CNTN4: variants seen among roughly 807,000 people sequenced by gnomAD.
CNTN4 encodes contactin-4.
CNTN4 carries 77 observed loss-of-function variants against 122.5 expected under a neutral mutation model. The ratio of observed to expected loss-of-function variants is 0.63; its 90% CI spans 0.52 to 0.76. CNTN4 has a LOEUF of 0.76. Among genes scored for constraint, CNTN4 ranks in the 30% least tolerant of loss-of-function variants. The pLI is 0.00. For missense variants in CNTN4, 1,256 were observed against 1,259.1 expected, an observed-to-expected ratio of 1.00 and a Z score of 0.04; for synonymous variants, 512 against 447.0, an observed-to-expected ratio of 1.15 and a Z score of -1.83.
At chr3:2,354,944 A>G (rs1314175291) in intron 3 of CNTN4, among the ~76,000 whole-genome samples, 1 of 152,222 alleles carries the variant, frequency 6.6e-6, no homozygotes, top group Non-Finnish European at 1.5e-5. Context: ...TGTCTTGGGG[A>G]TACATTGTGT....
At chr3:2,710,076 A>G (rs993724130) in intron 4 of CNTN4, among the ~76,000 whole-genome samples, 24 of 152,214 alleles carry the variant, frequency 1.6e-4, no homozygotes, top group African/African-American at 5.8e-4. Context: ...ACTAGGTATA[A>G]TATTAGTTCG....
rs184510869 is a variant in CNTN4 at position 2,777,043 on chromosome 3, C to T, written c.358+31346C>T. ...TTGCCCAGGCTGGAGCGCAGTGGCTCAATCTTGGTTCACTGCAACCTCTGC... is the reference window on the plus strand; with the variant it reads ...TTGCCCAGGCTGGAGCGCAGTGGCTTAATCTTGGTTCACTGCAACCTCTGC... On this transcript the variant is annotated intron_variant, in intron 6 of 24. Coordinates refer to ENST00000418658, the MANE Select transcript of CNTN4 (RefSeq NM_175607.3). Among the ~76,000 whole-genome samples the T allele has an allele frequency of 2.0e-3, 308 of 152,098 alleles. 1 individual carries two copies. Among genetic ancestry groups the T allele is most frequent in the African/African-American group, 7.1e-3 (296 of 41,488 alleles).
At chr3:2,951,957 C>A (rs1454796495) in intron 13 of CNTN4, among the ~76,000 whole-genome samples, 1 of 152,200 alleles carries the variant, frequency 6.6e-6, no homozygotes. Flanking sequence ...ACAGACTGAA[C>A]ATCAGCTACA....
intron 13 of CNTN4, among the ~76,000 whole-genome samples, chr3:2,960,200 C>T (rs964292710): frequency 2.0e-5 from 3 of 152,072 alleles, no homozygotes; most frequent in Non-Finnish European, 4.4e-5. Flanking sequence ...AGATAATTCC[C>T]TGGAAAACTT....
chr3:2,253,397 TAA>T (rs1297208522), intron 2 of CNTN4, among the ~76,000 whole-genome samples: 2 of 151,820 alleles, frequency 1.3e-5, no homozygotes, highest in African/African-American at 2.4e-5. Context: ...AGACCAGAAT[TAA>T]AAAGTTGTAA....
At chr3:2,527,999 G>A (rs2077463906) in intron 3 of CNTN4, among the ~76,000 whole-genome samples, 1 of 151,962 alleles carries the variant, frequency 6.6e-6, no homozygotes, top group Admixed American at 6.6e-5. Context: ...CTTTCATTTG[G>A]TCATAGACTT....
chr3:2,566,092 A>C (rs2079147886), intron 3 of CNTN4, among the ~76,000 whole-genome samples: 1 of 152,192 alleles, frequency 6.6e-6, no homozygotes, highest in Non-Finnish European at 1.5e-5. Context: ...TTACATTATG[A>C]GTATTACAGA....
chr3:2,918,833 C>T (rs2094396788), intron 12 of CNTN4, among the ~76,000 whole-genome samples: 1 of 152,090 alleles, frequency 6.6e-6, no homozygotes, highest in Non-Finnish European at 1.5e-5. Context: ...ACTGGAAGTT[C>T]ACGAAGCCAT....
At chr3:2,977,310 T>A (rs1693514637) in intron 13 of CNTN4, among the ~76,000 whole-genome samples, 1 of 152,160 alleles carries the variant, frequency 6.6e-6, no homozygotes, top group Non-Finnish European at 1.5e-5. Flanking sequence ...CCAAAGTAAA[T>A]ATTTATCACT....
chr3:2,159,446 C>G (rs2035864597), intron 2 of CNTN4, among the ~76,000 whole-genome samples: 1 of 152,090 alleles, frequency 6.6e-6, no homozygotes, highest in Non-Finnish European at 1.5e-5. Flanking sequence ...GACACAAAAG[C>G]CAGTTCAACC....
At chr3:2,191,283 A>G (rs1260059717) in intron 2 of CNTN4, among the ~76,000 whole-genome samples, 1 of 151,210 alleles carries the variant, frequency 6.6e-6, no homozygotes, top group Non-Finnish European at 1.5e-5. Flanking sequence ...TAACCCAGAC[A>G]TAGAACTCAA....
In CNTN4 at chr3:2,385,811, T is replaced by C. The variant is rs2046232972; in HGVS notation, c.-89+46578T>C. On this transcript the variant is annotated intron_variant, in intron 3 of 24. Coordinates refer to ENST00000418658, the MANE Select transcript of CNTN4 (RefSeq NM_175607.3). This position sits in a 1 kb window ranked among gnomAD's most constrained non-coding sequence, Gnocchi z 4.0. ...TTGGTTACATTTGCAAAGACCCTGCTTCCAAATAAGGTCACATTCACACGT... is the reference window on the plus strand; with the variant it reads ...TTGGTTACATTTGCAAAGACCCTGCCTCCAAATAAGGTCACATTCACACGT... Among the ~76,000 whole-genome samples, 1 of 152,100 alleles carries C rather than the reference T, an allele frequency of 6.6e-6. No homozygotes were observed. The highest frequency in any genetic ancestry group is 6.6e-5 in the Admixed American group (1 of 15,246).
chr3:2,776,103 G>A (rs1290235437), intron 6 of CNTN4, among the ~76,000 whole-genome samples: 1 of 152,112 alleles, frequency 6.6e-6, no homozygotes, highest in Non-Finnish European at 1.5e-5. Context: ...GTTTGAGGAT[G>A]GCCACCCAGA....
intron 12 of CNTN4, among the ~76,000 whole-genome samples, chr3:2,918,647 C>A (rs2094395014): frequency 6.6e-6 from 1 of 152,174 alleles, no homozygotes; most frequent in African/African-American, 2.4e-5. Flanking sequence ...AAACCAAATT[C>A]TTTGGTGTTT....
intron 6 of CNTN4, among the ~76,000 whole-genome samples, chr3:2,815,182 G>A (rs1004001495): frequency 1.3e-5 from 2 of 152,186 alleles, no homozygotes; most frequent in Non-Finnish European, 1.5e-5. Flanking sequence ...CTTAGGCAAG[G>A]ATTTCATGAC....
chr3:2,731,561 T>C (rs2088686352), intron 4 of CNTN4, among the ~76,000 whole-genome samples: 1 of 152,210 alleles, frequency 6.6e-6, no homozygotes, highest in African/African-American at 2.4e-5. Flanking sequence ...GCAATCTTAC[T>C]GCTCACTCCC....
At chr3:2,488,377 G>A (rs1367853606) in intron 3 of CNTN4, among the ~76,000 whole-genome samples, 5 of 152,154 alleles carry the variant, frequency 3.3e-5, no homozygotes, top group South Asian at 2.1e-4. Context: ...GGGTACTCCA[G>A]TTTCCTCCCA....
intron 2 of CNTN4, among the ~76,000 whole-genome samples, chr3:2,318,237 A>T (rs1249897788): frequency 6.7e-6 from 1 of 148,880 alleles, no homozygotes; most frequent in Admixed American, 6.7e-5. Context: ...AAAAAAAAAG[A>T]GTATGTGTAT....
intron 13 of CNTN4, among the ~76,000 whole-genome samples, chr3:2,940,782 C>T (rs567530133): frequency 3.0e-4 from 45 of 152,192 alleles, no homozygotes; most frequent in African/African-American, 1.1e-3. Flanking sequence ...TGACCTCAAT[C>T]TCAATAATAT....
Sources: allele counts gnomAD v4.1 joint callset (sites outside exome capture counted in the v4.1 genomes callset), GRCh38; gene constraint gnomAD v4.1.1; non-coding constraint Gnocchi (gnomAD v3.1); transcripts MANE v1.5; gene names NCBI Gene and HGNC (gene_info 2026-07-23, HGNC 2026-07-21).